MTCL3: variants seen among roughly 807,000 people sequenced by gnomAD.
MTCL3 encodes MTCL family member 3.
the MTCL3 span, among the ~76,000 whole-genome samples, chr6:127,493,519 G>A: frequency 6.6e-6 from 1 of 152,192 alleles, no homozygotes; most frequent in Non-Finnish European, 1.5e-5. Flanking sequence ...AGAGGCACAT[G>A]TCAGAGGTGA....
the MTCL3 span, chr6:127,475,174 C>G: frequency 8.9e-7 from 1 of 1,117,932 alleles, no homozygotes; most frequent in South Asian, 1.6e-5. The surrounding 1 kb of genome is among the most constrained non-coding windows in gnomAD (Gnocchi z 7.3). Flanking sequence ...CAGCGCGGCC[C>G]TGAGCGGGGG....
chr6:127,481,099 T>G, the MTCL3 span, among the ~76,000 whole-genome samples: 1 of 152,236 alleles, frequency 6.6e-6, no homozygotes, highest in Non-Finnish European at 1.5e-5. Context: ...GTTGCCCACA[T>G]GCATAGTGAG....
the MTCL3 span, among the ~76,000 whole-genome samples, chr6:127,507,838 G>T: frequency 1.3e-5 from 1 of 78,242 alleles, no homozygotes; most frequent in African/African-American, 5.5e-5. Flanking sequence ...GCAAGACTAT[G>T]TCTCAAAAAA....
chr6:127,512,771 A>G, the MTCL3 span: 1 of 841,508 alleles, frequency 1.2e-6, no homozygotes, highest in African/African-American at 1.7e-5. Flanking sequence ...CTATTTGGGT[A>G]AGAGTAAAAA....
chr6:127,484,926 T>C, the MTCL3 span, among the ~76,000 whole-genome samples: 58 of 152,312 alleles, frequency 3.8e-4, no homozygotes, highest in African/African-American at 1.2e-3. Flanking sequence ...CAGTTATCTC[T>C]GTGCTCCTCA....
chr6:127,481,380 C>G, the MTCL3 span: 2 of 985,110 alleles, frequency 2.0e-6, no homozygotes, highest in East Asian at 1.1e-4. Flanking sequence ...ACTAAGGGAA[C>G]AGAGAGAAAG....
chr6:127,511,882 A>G, the MTCL3 span, among the ~76,000 whole-genome samples: 1 of 152,188 alleles, frequency 6.6e-6, no homozygotes, highest in Non-Finnish European at 1.5e-5. Flanking sequence ...TTTTTGTACC[A>G]TTTTGAGATA....
the MTCL3 span, among the ~76,000 whole-genome samples, chr6:127,476,681 A>C: frequency 6.6e-6 from 1 of 152,236 alleles, no homozygotes; most frequent in Non-Finnish European, 1.5e-5. This position sits in a 1 kb window ranked among gnomAD's most constrained non-coding sequence, Gnocchi z 4.4. Context: ...GGAAGCAAAA[A>C]GGAAAAGGAA....
chr6:127,512,670 T>C, the MTCL3 span, among the ~76,000 whole-genome samples: 1 of 152,202 alleles, frequency 6.6e-6, no homozygotes, highest in Non-Finnish European at 1.5e-5. Context: ...CAGAGATCAG[T>C]CAAAGCTCGT....
the MTCL3 span, among the ~76,000 whole-genome samples, chr6:127,512,510 A>G: frequency 2.0e-5 from 3 of 152,220 alleles, no homozygotes; most frequent in South Asian, 4.1e-4. Context: ...TCATGGTTCT[A>G]TGAACTCAAT....
the MTCL3 span, among the ~76,000 whole-genome samples, chr6:127,503,476 C>T: frequency 6.6e-6 from 1 of 152,154 alleles, no homozygotes; most frequent in Non-Finnish European, 1.5e-5. Flanking sequence ...AAGCAAATTC[C>T]AATGGATAGT....
the MTCL3 span, among the ~76,000 whole-genome samples, chr6:127,473,684 T>A: frequency 6.6e-6 from 1 of 152,210 alleles, no homozygotes; most frequent in Non-Finnish European, 1.5e-5. Flanking sequence ...AAATAAGCGA[T>A]AGGGCTGCAA....
At chr6:127,498,755 T>C in the MTCL3 span, among the ~76,000 whole-genome samples, 1 of 152,172 alleles carries the variant, frequency 6.6e-6, no homozygotes, top group East Asian at 1.9e-4. Context: ...AGAAATGAAT[T>C]ACTGATACAC....
the MTCL3 span, among the ~76,000 whole-genome samples, chr6:127,499,397 T>G: frequency 5.3e-5 from 8 of 151,688 alleles, no homozygotes; most frequent in East Asian, 1.4e-3. Flanking sequence ...TTCCATAATA[T>G]TGAAAACAAA....
the MTCL3 span, among the ~76,000 whole-genome samples, chr6:127,505,622 C>T: frequency 1.3e-5 from 2 of 152,100 alleles, no homozygotes; most frequent in Non-Finnish European, 2.9e-5. Flanking sequence ...CCCCATGACA[C>T]AAGTTTACCT....
the MTCL3 span, chr6:127,516,508 T>A: frequency 1.9e-6 from 3 of 1,599,124 alleles, no homozygotes; most frequent in Non-Finnish European, 2.5e-6. Context: ...AGCTCGCTGC[T>A]GCTTTCTGCT....
chr6:127,507,235 G>GT, the MTCL3 span, among the ~76,000 whole-genome samples: 1 of 152,132 alleles, frequency 6.6e-6, no homozygotes, highest in African/African-American at 2.4e-5. Context: ...GCTTAATCAG[G>GT]TAAAAACCTG....
At chr6:127,506,664 T>C in the MTCL3 span, among the ~76,000 whole-genome samples, 1 of 152,110 alleles carries the variant, frequency 6.6e-6, no homozygotes, top group Non-Finnish European at 1.5e-5. Flanking sequence ...CACTGCAAGC[T>C]CCGCCTCTCG....
the MTCL3 span, among the ~76,000 whole-genome samples, chr6:127,490,101 C>G: frequency 1.3e-5 from 2 of 152,112 alleles, no homozygotes; most frequent in African/African-American, 4.8e-5. Context: ...TCTGAAAATC[C>G]TAGGGTCATT....
Sources: gnomAD v4.1 joint callset for allele counts (sites outside exome capture counted in the v4.1 genomes callset) on GRCh38, gnomAD v4.1.1 for gene constraint, Gnocchi (gnomAD v3.1) non-coding constraint, MANE v1.5 for transcripts, NCBI Gene and HGNC (gene_info 2026-07-23, HGNC 2026-07-21) for gene names.